MEF2D: variants seen among roughly 807,000 people sequenced by gnomAD.
MEF2D encodes myocyte enhancer factor 2D, also known as myocyte-specific enhancer factor 2D.
In MEF2D, 10 loss-of-function variants were observed where a neutral mutation model predicts 59.3. That is an observed-to-expected ratio of 0.17 (90% CI 0.10 to 0.29). MEF2D has a LOEUF of 0.29. Ranked by LOEUF, MEF2D falls within the 10% of genes least tolerant of loss-of-function variation. The pLI is 1.00. For synonymous variants in MEF2D, 305 were observed against 295.0 expected, an observed-to-expected ratio of 1.03 and a Z score of -0.35; for missense variants, 508 against 699.4, an observed-to-expected ratio of 0.73 and a Z score of 3.09.
intron 1 of MEF2D, among the ~76,000 whole-genome samples, chr1:156,495,565 G>A (rs1323087084): frequency 6.6e-6 from 1 of 151,944 alleles, no homozygotes; most frequent in African/African-American, 2.4e-5. Context: ...CCAGCTACCT[G>A]GAAGGCTGAG....
rs763029801 is a variant in MEF2D at position 156,479,587 on chromosome 1, C to T, written c.606G>A (p.Ala202=). The part of the protein sequence containing the change: ...SPGLPQRPAS[A]GAMLGGDLNS... ...CTACCCACCTGCCAGCCCACTCACC[C>T]GCACTAGCTGGCCGCTGGGGCAGGC... The change falls in exon 5 of 12, where the codon GCG becomes GCA. Residue 202 remains alanine, a splice_region_variant and synonymous_variant. Transcript: ENST00000348159. 2.6e-5 allele frequency: 40 copies of T among 1,550,794 alleles called. No individual in the cohort carries two copies. Among genetic ancestry groups the T allele is most frequent in the African/African-American group, 1.2e-4 (9 of 73,076 alleles).
At chr1:156,483,054 G>C (rs2102146223) in intron 2 of MEF2D, among the ~76,000 whole-genome samples, 185 bp downstream of exon 2, 1 of 152,300 alleles carries the variant, frequency 6.6e-6, no homozygotes, top group Non-Finnish European at 1.5e-5. Flanking sequence ...CTGGAGTCCA[G>C]GGACGCAGAG....
At chr1:156,489,670 G>C (rs776900951) in intron 1 of MEF2D, among the ~76,000 whole-genome samples, 88 of 152,262 alleles carry the variant, frequency 5.8e-4, no homozygotes, top group Non-Finnish European at 1.0e-3. Flanking sequence ...CTGAGAACTT[G>C]CAGTGCAGCC....
chr1:156,484,290 T>C (rs979923531), intron 1 of MEF2D: 1 of 152,224 alleles, frequency 6.6e-6, no homozygotes, highest in African/African-American at 2.4e-5. Context: ...GAGATGGAAA[T>C]TTTTGGGCCA....
In MEF2D at chr1:156,468,655, G is replaced by T; in HGVS notation, c.1247+125C>A. On this transcript the variant is annotated intron_variant, in intron 10 of 11. Transcript: ENST00000348159. The surrounding 1 kb of genome is among the most constrained non-coding windows in gnomAD (Gnocchi z 4.3). The stretch of plus-strand genomic sequence containing the variant: ...GTGCCACTGTTGCCTAACAGACTGT[G>T]CAGTGCACAGCCTCATAGGATGTCC... 6.9e-7 allele frequency: 1 copy of T among 1,454,920 alleles called. No individual in the cohort carries two copies. Among genetic ancestry groups the T allele is most frequent in the Non-Finnish European group, 9.3e-7 (1 of 1,076,512 alleles). The allele number at this position is 1,454,920 out of a possible 1,614,324, so 90.1% of individuals were successfully genotyped here.
Position 156,482,545 on chromosome 1 carries a change from G to C in MEF2D, c.150C>G (p.His50Gln), listed in dbSNP as rs1216059423. 1.2e-6 allele frequency: 2 copies of C among 1,614,270 alleles called. No individual in the cohort carries two copies. The highest frequency in any genetic ancestry group is 1.7e-5 in the Admixed American group (1 of 60,038). ...DCEIALIIFN[H>Q]SNKLFQYAST... ...TGGCGTACTGGAACAGCTTGTTGGA[G>C]TGGTTGAAGATGATGAGTGCGATCT... The change falls in exon 3 of 12, where the codon CAC becomes CAG. Residue 50 changes from histidine to glutamine, a missense_variant. This residue lies in a region of MEF2D where 27 missense variants were observed against 114.8 expected (regional missense o/e 0.24). Coordinates refer to ENST00000348159, the MANE Select transcript of MEF2D (RefSeq NM_005920.4).
At chr1:156,485,518 T>C (rs536646184) in intron 1 of MEF2D, among the ~76,000 whole-genome samples, 24 of 101,290 alleles carry the variant, frequency 2.4e-4, no homozygotes, top group African/African-American at 9.0e-4. Context: ...CCCTTCTCCT[T>C]CTTCTTTTTT....
Position 156,482,429 on chromosome 1 carries a change from G to A in MEF2D, c.258+8C>T. On this transcript the variant is annotated splice_region_variant and intron_variant, in intron 3 of 11. Coordinates refer to ENST00000348159, the MANE Select transcript of MEF2D (RefSeq NM_005920.4). ...GGTATATCCTGGTGCCTGTGTGTATGGGCCCACCTCGATGATGTCGGCGTT... is the reference window on the plus strand; with the variant it reads ...GGTATATCCTGGTGCCTGTGTGTATAGGCCCACCTCGATGATGTCGGCGTT... The A allele has an allele frequency of 6.2e-7, 1 of 1,613,522 alleles. No individual in the cohort carries two copies. Among genetic ancestry groups the A allele is most frequent in the Non-Finnish European group, 8.5e-7 (1 of 1,179,988 alleles).
In MEF2D at chr1:156,464,448, T is replaced by TGGGG. The variant is rs540111996; in HGVS notation, c.*3193_*3196dup. The TGGGG allele has an allele frequency of 2.9e-4, 7 of 24,330 alleles. No individual in the cohort carries two copies. Among genetic ancestry groups the TGGGG allele is most frequent in the African/African-American group, 5.2e-4 (5 of 9,704 alleles). 1.5% of individuals were successfully genotyped at this position (24,330 alleles called of 1,614,324 possible). ...AGAATGGTGTGTTCCACTGAGGTGG[T>TGGGG]GGGGGGGGGTGTCCTCTTGCCCACT... On this transcript the variant is annotated 3_prime_UTR_variant, in exon 12 of 12. Coordinates refer to ENST00000348159, the MANE Select transcript of MEF2D (RefSeq NM_005920.4).
In MEF2D at chr1:156,488,007, G is replaced by T. The variant is rs1323824364; in HGVS notation, c.-138-4577C>A. Among the ~76,000 whole-genome samples the T allele has an allele frequency of 2.0e-5, 3 of 152,240 alleles. No homozygotes were observed. The South Asian group carries it at 6.2e-4, about 31-fold the overall frequency. On this transcript the variant is annotated intron_variant, in intron 1 of 11. Coordinates refer to ENST00000348159, the MANE Select transcript of MEF2D (RefSeq NM_005920.4). ...GCCTTCCTGTTCTGATGGCCCCAGG[G>T]CCTGCCCAATCCTGACCTCAGGCCA...
At position 156,477,043 on chromosome 1, in the gene MEF2D, G is replaced by A. The variant is rs1671660595; in HGVS notation, c.824C>T (p.Ser275Phe). 6.2e-7 allele frequency: 1 copy of A among 1,613,830 alleles called. No individual in the cohort carries two copies. The highest frequency in any genetic ancestry group is 8.5e-7 in the Non-Finnish European group (1 of 1,179,880). The change falls in exon 7 of 12, where the codon TCC becomes TTC. Residue 275 changes from serine to phenylalanine, a missense_variant. Ser to Phe is a radical substitution (Grantham distance 155). Transcript: ENST00000348159. ...SRKPDLRVIT[S>F]QAGKGLMHHL... The stretch of plus-strand genomic sequence containing the variant: ...ATGCATTAACCCCTTTCCTGCCTGG[G>A]AAGTGATGACTCGCAGGTCGGGCTT...
At position 156,475,325 on chromosome 1, in the gene MEF2D, TG is replaced by T. The variant is rs1671499764; in HGVS notation, c.877-89del. 2.7e-6 allele frequency: 4 copies of T among 1,455,788 alleles called. 1 individual carries two copies. The East Asian group carries it at 7.4e-5, about 27-fold the overall frequency. 90.2% of individuals were successfully genotyped at this position (1,455,788 alleles called of 1,614,324 possible). On this transcript the variant is annotated intron_variant, in intron 8 of 11. Coordinates refer to ENST00000348159, the MANE Select transcript of MEF2D (RefSeq NM_005920.4). ...CATCCCAAGGCCAAGGTGGGGTTCC[TG>T]AATCCCAAAGCCAAGGCGGGGTGCC...
At chr1:156,481,098 C>T (rs1048519795) in intron 3 of MEF2D, 127 bp from the exon 4 acceptor site, 17 of 1,330,840 alleles carry the variant, frequency 1.3e-5, no homozygotes, top group Middle Eastern at 2.7e-4. Context: ...TTCCCAGCAT[C>T]TCCCTGGCCC....
chr1:156,468,105 C>T lies in MEF2D; in HGVS notation c.1442G>A (p.Gly481Glu), dbSNP rs2101974900. 6.2e-7 allele frequency: 1 copy of T among 1,614,062 alleles called. No individual in the cohort carries two copies. The highest frequency in any genetic ancestry group is 8.5e-7 in the Non-Finnish European group (1 of 1,179,974). ...SSPAGGSYET[G>E]DRDDGRGDFG... Reference sequence around the variant, plus strand: ...GTCCCCCCGTCCGTCATCCCGGTCTCCCGTCTCATAGGATCCCCCGGCTGG... The same window carrying T: ...GTCCCCCCGTCCGTCATCCCGGTCTTCCGTCTCATAGGATCCCCCGGCTGG... Residue 481 changes from glycine (G) to glutamate (E), a missense_variant, in exon 11 of 12, where the codon GGA (glycine) becomes GAA (glutamate). Physicochemically the swap from Gly to Glu is moderately conservative, Grantham distance 98. Transcript: ENST00000348159. This position sits in a 1 kb window ranked among gnomAD's most constrained non-coding sequence, Gnocchi z 4.3.
rs758873149 is a variant in MEF2D at position 156,479,368 on chromosome 1, G to A, written c.608-22C>T. The A allele has an allele frequency of 5.6e-6, 9 of 1,609,932 alleles. No homozygotes were observed. In the South Asian group the frequency reaches 8.9e-5, roughly 16 times the overall value. ...GCCCCTGGAGGAAAAACAGAACCAG[G>A]ATGAGCTGACAACACTCCCGCTTCA... On this transcript the variant is annotated intron_variant, in intron 5 of 11. Transcript: ENST00000348159.
At chr1:156,480,652 A>C (rs1035682508) in intron 4 of MEF2D, 182 bp downstream of exon 4, 2 of 1,552,616 alleles carry the variant, frequency 1.3e-6, no homozygotes, top group East Asian at 4.9e-5. Context: ...CGGCCAGTCT[A>C]TAACTCTGCA....
intron 1 of MEF2D, among the ~76,000 whole-genome samples, chr1:156,494,561 C>T (rs951348070): frequency 9.9e-5 from 15 of 152,158 alleles, no homozygotes; most frequent in Non-Finnish European, 2.1e-4. Context: ...CCCTCAAGGC[C>T]TCCTCAATCC....
At chr1:156,481,081 T>C (rs2274319) in intron 3 of MEF2D, 110 bp from the exon 4 acceptor site, 963,784 of 1,484,434 alleles carry the variant, frequency 0.65, 314,714 homozygotes, top group East Asian at 0.72. Context: ...GACCTCCTTC[T>C]TCAGGGTTCC....
At chr1:156,486,917 G>A (rs1672409017) in intron 1 of MEF2D, among the ~76,000 whole-genome samples, 1 of 152,188 alleles carries the variant, frequency 6.6e-6, no homozygotes, top group African/African-American at 2.4e-5. Context: ...TGCAGTACCA[G>A]TTCCTCTCAC....
Sources: allele counts gnomAD v4.1 joint callset (sites outside exome capture counted in the v4.1 genomes callset), GRCh38; gene constraint gnomAD v4.1.1; regional missense constraint gnomAD v4.1.1; non-coding constraint Gnocchi (gnomAD v3.1); transcripts MANE v1.5; gene names NCBI Gene and HGNC (gene_info 2026-07-23, HGNC 2026-07-21).